The following MCPH1 variants were observed in gnomAD, a reference collection of about 807,000 sequenced individuals.
The protein encoded by MCPH1 is microcephalin 1, also known as microcephalin.
A neutral mutation model predicts 84.5 loss-of-function variants in MCPH1; 104 were observed. The observed-to-expected ratio is 1.23, with a 90% CI of 1.05 to 1.45. MCPH1 has a LOEUF of 1.45. MCPH1 is among the 40% of genes most tolerant of loss of function. The pLI, the probability that MCPH1 is intolerant of heterozygous loss-of-function variation, is 0.00. For synonymous variants in MCPH1, 514 were observed against 366.8 expected, an observed-to-expected ratio of 1.40 and a Z score of -4.58; for missense variants, 1,498 against 1,005.7, an observed-to-expected ratio of 1.49 and a Z score of -6.62.
chr8:6,415,279 A>G (rs922060272), intron 3 of MCPH1, among the ~76,000 whole-genome samples: 4 of 124,040 alleles, frequency 3.2e-5, no homozygotes, highest in African/African-American at 8.9e-5. Flanking sequence ...CAAGTTGTCA[A>G]CAGGGTTGGT....
At chr8:6,541,210 G>T (rs1821497818) in intron 12 of MCPH1, among the ~76,000 whole-genome samples, 1 of 152,212 alleles carries the variant, frequency 6.6e-6, no homozygotes, top group Admixed American at 6.5e-5. Flanking sequence ...CAGCACCAGA[G>T]GGTTTCCCTG....
chr8:6,477,202 A>C (rs192376015), intron 9 of MCPH1: 4 of 200,848 alleles, frequency 2.0e-5, no homozygotes, highest in Admixed American at 1.6e-4. Flanking sequence ...TGAAATGAGA[A>C]TGAGGCTGCC....
rs142090279 is a variant in MCPH1, at chr8:6,492,921, C to T, written c.2137-6931C>T. 2.3e-3 allele frequency among the ~76,000 whole-genome samples: 346 copies of T among 152,086 alleles called. 3 individuals carry two copies. The highest frequency in any genetic ancestry group is 7.6e-3 in the African/African-American group (315 of 41,510). On this transcript the variant is annotated intron_variant, in intron 11 of 13. Coordinates refer to ENST00000344683, the MANE Select transcript of MCPH1 (RefSeq NM_024596.5). ...CTATTGTCTACTTCCTGGTACGTGG[C>T]TCTAGGGAGGCTATGGCAGAGTCAA...
intron 12 of MCPH1, chr8:6,520,052 T>C: frequency 1.3e-6 from 2 of 1,578,914 alleles, no homozygotes; most frequent in Non-Finnish European, 8.6e-7. Flanking sequence ...AGACTTGTTA[T>C]TTCAAGAGCC....
At chr8:6,575,926 A>G (rs1270938829) in intron 12 of MCPH1, among the ~76,000 whole-genome samples, 1 of 152,070 alleles carries the variant, frequency 6.6e-6, no homozygotes, top group East Asian at 1.9e-4. Context: ...TCCAGAAGGA[A>G]CCAACCCTGC....
At chr8:6,532,406 T>C in intron 12 of MCPH1, 1 of 1,614,154 alleles carries the variant, frequency 6.2e-7, no homozygotes, top group Admixed American at 1.7e-5. Context: ...ATTTCTATCA[T>C]CACAGCCGTC....
In MCPH1 at chr8:6,439,648, C is replaced by T. The variant is rs550161828; in HGVS notation, c.580+552C>T. Among the ~76,000 whole-genome samples the T allele has an allele frequency of 2.9e-4, 44 of 152,182 alleles. 1 individual carries two copies. The East Asian group carries it at 7.7e-3, about 27-fold the overall frequency. Reference sequence around the variant, plus strand: ...TTAACCTCAGGTGATACACCCGCCTCGGCCTCCCAAACGGCTGGGACTGTA... The same window carrying T: ...TTAACCTCAGGTGATACACCCGCCTTGGCCTCCCAAACGGCTGGGACTGTA... On this transcript the variant is annotated intron_variant, in intron 6 of 13. Transcript: ENST00000344683.
chr8:6,474,299 T>C (rs1563258317), intron 9 of MCPH1: 4 of 515,576 alleles, frequency 7.8e-6, no homozygotes, highest in Non-Finnish European at 1.1e-5. Flanking sequence ...TTCTGATATG[T>C]GGTTTTTCCA....
rs565089319 is a variant in MCPH1, at chr8:6,572,029, T to C, written c.2215-49425T>C. ...TTCAAGCATTTTCTTTGGTACCCCA[T>C]TAATAATAAAGCATACTTCCCCAAA... On this transcript the variant is annotated intron_variant, in intron 12 of 13. Coordinates refer to ENST00000344683, the MANE Select transcript of MCPH1 (RefSeq NM_024596.5). 2.6e-5 allele frequency among the ~76,000 whole-genome samples: 4 copies of C among 152,254 alleles called. No individual in the cohort carries two copies. In the East Asian group the frequency reaches 7.7e-4, roughly 29 times the overall value.
At chr8:6,553,883 C>T (rs114313771) in intron 12 of MCPH1, among the ~76,000 whole-genome samples, 94 of 152,106 alleles carry the variant, frequency 6.2e-4, no homozygotes, top group African/African-American at 2.2e-3. Flanking sequence ...AACTTCATGG[C>T]GTATTTTCGC....
intron 2 of MCPH1, 112 bp downstream of exon 2, chr8:6,409,482 G>T: frequency 1.2e-6 from 1 of 847,848 alleles, no homozygotes; most frequent in Non-Finnish European, 2.0e-6. Flanking sequence ...ACGAAGCAAT[G>T]GGTAAGCGGT....
intron 12 of MCPH1, among the ~76,000 whole-genome samples, chr8:6,527,899 A>ATTTTTTTTTTT (rs71213313): frequency 0.19 from 24,168 of 129,550 alleles, 2,998 homozygotes; most frequent in Non-Finnish European, 0.27. Flanking sequence ...CCACGTCTCT[A>ATTTTTTTTTTT]TTTTTTTTTT....
chr8:6,407,377 C>A (rs188638236), intron 1 of MCPH1, among the ~76,000 whole-genome samples: 1 of 152,056 alleles, frequency 6.6e-6, no homozygotes, highest in African/African-American at 2.4e-5. Flanking sequence ...GAAACTAAGG[C>A]ATCGGACGTT....
chr8:6,583,894 C>T (rs1827776549), intron 12 of MCPH1, among the ~76,000 whole-genome samples: 1 of 135,824 alleles, frequency 7.4e-6, no homozygotes, highest in Non-Finnish European at 1.6e-5. Context: ...CATTTTGTAC[C>T]TACCTTCTGT....
At chr8:6,514,659 C>T (rs777582880) in intron 12 of MCPH1, 2 of 1,606,394 alleles carry the variant, frequency 1.2e-6, no homozygotes, top group South Asian at 1.1e-5. Flanking sequence ...TTTCTGATGC[C>T]TTAAAGAATG....
chr8:6,484,672 G>A (rs761261904), intron 11 of MCPH1, among the ~76,000 whole-genome samples: 1 of 152,226 alleles, frequency 6.6e-6, no homozygotes, highest in Non-Finnish European at 1.5e-5. Context: ...ACCATACTGT[G>A]GAGTGTCACT....
At chr8:6,557,672 G>A (rs1436059937) in intron 12 of MCPH1, among the ~76,000 whole-genome samples, 1 of 126,558 alleles carries the variant, frequency 7.9e-6, no homozygotes, top group South Asian at 3.0e-4. Context: ...TATTTAATAT[G>A]ATATATATGT....
intron 13 of MCPH1, among the ~76,000 whole-genome samples, chr8:6,624,733 T>C (rs1831878371): frequency 6.6e-6 from 1 of 152,252 alleles, no homozygotes; most frequent in Non-Finnish European, 1.5e-5. Flanking sequence ...GCTGCCGCTA[T>C]GTACAAATAA....
At chr8:6,496,755 G>A (rs947533631) in intron 11 of MCPH1, among the ~76,000 whole-genome samples, 1 of 152,104 alleles carries the variant, frequency 6.6e-6, no homozygotes, top group Non-Finnish European at 1.5e-5. Flanking sequence ...AATCGTTAAT[G>A]CTTTCCAGTG....
Sources: gnomAD v4.1 joint callset for allele counts (sites outside exome capture counted in the v4.1 genomes callset) on GRCh38, gnomAD v4.1.1 for gene constraint, MANE v1.5 for transcripts, NCBI Gene and HGNC (gene_info 2026-07-23, HGNC 2026-07-21) for gene names.